The following COL8A1 variants were observed in gnomAD, a reference collection of about 807,000 sequenced individuals.
The protein encoded by COL8A1 is collagen type VIII alpha 1 chain, also known as collagen alpha-1(VIII) chain.
COL8A1 carries 21 observed loss-of-function variants against 42.7 expected under a neutral mutation model. The ratio of observed to expected loss-of-function variants is 0.49; its 90% CI spans 0.35 to 0.71. COL8A1 has a LOEUF of 0.71. Among genes scored for constraint, COL8A1 ranks in the 30% least tolerant of loss-of-function variants. COL8A1 has a pLI of 0.01. For missense variants in COL8A1, 788 were observed against 962.4 expected, an observed-to-expected ratio of 0.82 and a Z score of 2.40; for synonymous variants, 367 against 369.1, an observed-to-expected ratio of 0.99 and a Z score of 0.06.
At chr3:99,707,389 CCA>C (rs1939709987) in intron 1 of COL8A1, among the ~76,000 whole-genome samples, 1 of 152,166 alleles carries the variant, frequency 6.6e-6, no homozygotes, top group East Asian at 1.9e-4. Flanking sequence ...GAACTCACAT[CCA>C]ACTAAAGAGC....
intron 1 of COL8A1, among the ~76,000 whole-genome samples, chr3:99,652,769 A>G (rs1937887981): frequency 6.6e-6 from 1 of 152,212 alleles, no homozygotes; most frequent in Non-Finnish European, 1.5e-5. Context: ...TATCTTCTGT[A>G]TAGTTTATGA....
intron 2 of COL8A1, among the ~76,000 whole-genome samples, chr3:99,775,849 T>C (rs1413464627): frequency 6.6e-6 from 1 of 152,214 alleles, no homozygotes; most frequent in Non-Finnish European, 1.5e-5. Flanking sequence ...ACTTAGCTTC[T>C]GTAGGCTTCT....
intron 1 of COL8A1, among the ~76,000 whole-genome samples, chr3:99,701,590 G>C (rs970384056): frequency 1.3e-5 from 2 of 152,172 alleles, no homozygotes; most frequent in African/African-American, 4.8e-5. Flanking sequence ...AGTGAGAGGT[G>C]TTATCCTCCT....
At chr3:99,726,273 G>A in intron 1 of COL8A1, among the ~76,000 whole-genome samples, 1 of 151,654 alleles carries the variant, frequency 6.6e-6, no homozygotes, top group East Asian at 1.9e-4. Context: ...TTCTTTTCTT[G>A]TAAATTTGTT....
At chr3:99,718,791 C>A (rs888003547) in intron 1 of COL8A1, among the ~76,000 whole-genome samples, 1 of 151,998 alleles carries the variant, frequency 6.6e-6, no homozygotes, top group East Asian at 1.9e-4. Context: ...TGCATACTTA[C>A]GTGTACCAGA....
chr3:99,664,408 T>C (rs1938299595), intron 1 of COL8A1, among the ~76,000 whole-genome samples: 1 of 152,182 alleles, frequency 6.6e-6, no homozygotes, highest in Non-Finnish European at 1.5e-5. Context: ...TTCTATAACT[T>C]CGTGGTCACT....
intron 1 of COL8A1, among the ~76,000 whole-genome samples, chr3:99,698,190 C>T (rs1479423258): frequency 3.3e-5 from 5 of 152,176 alleles, no homozygotes. Flanking sequence ...TGTATATGTG[C>T]CACATTTTCT....
In COL8A1 at chr3:99,686,771, C is replaced by T. The variant is rs377698083; in HGVS notation, c.-129+48107C>T. Among the ~76,000 whole-genome samples the T allele has an allele frequency of 3.9e-5, 6 of 152,120 alleles. No individual in the cohort carries two copies. In the East Asian group the frequency reaches 9.6e-4, roughly 24 times the overall value. Reference sequence around the variant, plus strand: ...CTCACTGTGGCCTCAGCCTCCCTAGCCTTAGGTGATCCTCCCATCTCAGCC... The same window carrying T: ...CTCACTGTGGCCTCAGCCTCCCTAGTCTTAGGTGATCCTCCCATCTCAGCC... On this transcript the variant is annotated intron_variant, in intron 1 of 3. Coordinates refer to ENST00000652472, the MANE Select transcript of COL8A1 (RefSeq NM_020351.4).
chr3:99,735,840 G>T (rs1234220328), intron 1 of COL8A1, among the ~76,000 whole-genome samples: 1 of 152,022 alleles, frequency 6.6e-6, no homozygotes, highest in African/African-American at 2.4e-5. Context: ...CCTGTTATTG[G>T]TCTATTCAGA....
rs1940234855 is a variant in COL8A1, at chr3:99,724,109, C to G, written c.-128-20788C>G. Reference sequence around the variant, plus strand: ...ATGCAGGTGGACACCATGTGACCGTCCTTGACAATAATGGTTTCTGACATG... The same window carrying G: ...ATGCAGGTGGACACCATGTGACCGTGCTTGACAATAATGGTTTCTGACATG... On this transcript the variant is annotated intron_variant, in intron 1 of 3. Coordinates refer to ENST00000652472, the MANE Select transcript of COL8A1 (RefSeq NM_020351.4). 2.0e-5 allele frequency among the ~76,000 whole-genome samples: 3 copies of G among 152,058 alleles called. No homozygotes were observed. In the South Asian group the frequency reaches 6.2e-4, roughly 32 times the overall value.
At chr3:99,699,637 C>T in intron 1 of COL8A1, among the ~76,000 whole-genome samples, 1 of 152,198 alleles carries the variant, frequency 6.6e-6, no homozygotes, top group East Asian at 1.9e-4. Flanking sequence ...TACATTTGCA[C>T]TCTGAGCACA....
At chr3:99,700,826 A>G (rs1330350799) in intron 1 of COL8A1, among the ~76,000 whole-genome samples, 2 of 152,120 alleles carry the variant, frequency 1.3e-5, no homozygotes, top group Non-Finnish European at 1.5e-5. Context: ...TTGCATACAT[A>G]CACACACCCT....
At chr3:99,669,146 T>TATAGAGAGAG in intron 1 of COL8A1, among the ~76,000 whole-genome samples, 2 of 115,390 alleles carry the variant, frequency 1.7e-5, no homozygotes, top group East Asian at 3.1e-4. Flanking sequence ...TATATATATA[T>TATAGAGAGAG]AGAGGGAGAG....
At chr3:99,732,239 C>T (rs1313313007) in intron 1 of COL8A1, among the ~76,000 whole-genome samples, 1 of 152,166 alleles carries the variant, frequency 6.6e-6, no homozygotes, top group Non-Finnish European at 1.5e-5. Flanking sequence ...AGCTCATTTT[C>T]CTTATATGAA....
intron 2 of COL8A1, among the ~76,000 whole-genome samples, chr3:99,753,935 T>C (rs1485367473): frequency 6.6e-6 from 1 of 152,208 alleles, no homozygotes; most frequent in Non-Finnish European, 1.5e-5. Flanking sequence ...TGGTAGAGCT[T>C]GGACTGAACC....
intron 2 of COL8A1, among the ~76,000 whole-genome samples, chr3:99,779,240 T>C (rs781039432): frequency 1.3e-5 from 2 of 152,188 alleles, no homozygotes; most frequent in Non-Finnish European, 2.9e-5. Context: ...AAGGAATGAA[T>C]TTTTTAGACA....
chr3:99,717,645 G>A (rs532919729), intron 1 of COL8A1, among the ~76,000 whole-genome samples: 1 of 152,132 alleles, frequency 6.6e-6, no homozygotes, highest in Non-Finnish European at 1.5e-5. Flanking sequence ...ACAAGGTCAT[G>A]CAACTTAGTA....
intron 1 of COL8A1, among the ~76,000 whole-genome samples, chr3:99,727,627 T>C (rs1006298101): frequency 5.9e-5 from 9 of 151,974 alleles, no homozygotes; most frequent in Non-Finnish European, 1.0e-4. Context: ...GTTGTAGATA[T>C]GCGGCATTAT....
chr3:99,776,719 G>C (rs1004933444), intron 2 of COL8A1, among the ~76,000 whole-genome samples: 1 of 152,198 alleles, frequency 6.6e-6, no homozygotes, highest in Non-Finnish European at 1.5e-5. Flanking sequence ...TACTCCATAG[G>C]CAGTGCAGCA....
Sources: gnomAD v4.1 joint callset for allele counts (sites outside exome capture counted in the v4.1 genomes callset) on GRCh38, gnomAD v4.1.1 for gene constraint, MANE v1.5 for transcripts, NCBI Gene and HGNC (gene_info 2026-07-23, HGNC 2026-07-21) for gene names.